SCEL: variants seen among roughly 807,000 people sequenced by gnomAD.
SCEL encodes sciellin.
Under a neutral mutation model 117.6 loss-of-function variants are expected in SCEL, and 113 were observed. That is an observed-to-expected ratio of 0.96 (90% CI 0.83 to 1.12). SCEL has a LOEUF of 1.12. Ranked by LOEUF, SCEL falls within the 50% of genes most tolerant of loss-of-function variation. The probability of loss-of-function intolerance (pLI) is 0.00; values close to 1 mark genes in which losing one functional copy is unlikely to be tolerated. For synonymous variants in SCEL, 270 were observed against 256.2 expected (o/e 1.05, Z -0.51); for missense variants, 785 against 810.8 (o/e 0.97, Z 0.39).
At chr13:77,585,884 G>T (rs1307637197) in intron 9 of SCEL, among the ~76,000 whole-genome samples, 1 of 152,106 alleles carries the variant, frequency 6.6e-6, no homozygotes, top group East Asian at 1.9e-4. Context: ...CTCTTCCAGA[G>T]GACCCTGCTT....
intron 1 of SCEL, among the ~76,000 whole-genome samples, chr13:77,548,185 T>C (rs1420820445): frequency 6.6e-6 from 1 of 152,240 alleles, no homozygotes; most frequent in Non-Finnish European, 1.5e-5. Flanking sequence ...TTAATTTCCA[T>C]AACAACCTTT....
At chr13:77,557,680 G>A (rs562428703) in intron 3 of SCEL, among the ~76,000 whole-genome samples, 2 of 152,290 alleles carry the variant, frequency 1.3e-5, no homozygotes, top group East Asian at 3.9e-4. Context: ...CATTTGGCAA[G>A]GTTGGGAGAC....
chr13:77,618,913 AC>A (rs2089251355), intron 27 of SCEL, among the ~76,000 whole-genome samples: 1 of 152,158 alleles, frequency 6.6e-6, no homozygotes, highest in Admixed American at 6.5e-5. Flanking sequence ...ACAAAATATT[AC>A]CAATTTTAAC....
chr13:77,557,945 TTGAG>T (rs1442347785), intron 3 of SCEL, among the ~76,000 whole-genome samples: 1 of 152,198 alleles, frequency 6.6e-6, no homozygotes, highest in African/African-American at 2.4e-5. Flanking sequence ...ATTTCTGTTA[TTGAG>T]TATTATTTCA....
intron 19 of SCEL, among the ~76,000 whole-genome samples, chr13:77,607,508 A>G (rs752251621): frequency 6.6e-5 from 10 of 152,248 alleles, no homozygotes; most frequent in Non-Finnish European, 1.5e-5. Flanking sequence ...ACACACAGTT[A>G]TAAGTACCAG....
intron 31 of SCEL, among the ~76,000 whole-genome samples, chr13:77,641,639 A>C (rs969746747): frequency 6.6e-6 from 1 of 152,150 alleles, no homozygotes; most frequent in African/African-American, 2.4e-5. Flanking sequence ...GGGCATTGGT[A>C]TTTTTAAAAA....
At chr13:77,641,238 G>C (rs542451841) in intron 31 of SCEL, among the ~76,000 whole-genome samples, 1 of 152,272 alleles carries the variant, frequency 6.6e-6, no homozygotes, top group East Asian at 1.9e-4. Context: ...AGCATAATTA[G>C]TGGTAATTAA....
intron 5 of SCEL, among the ~76,000 whole-genome samples, chr13:77,564,253 T>C (rs748083314): frequency 2.2e-4 from 33 of 151,022 alleles, no homozygotes; most frequent in African/African-American, 8.0e-4. Flanking sequence ...TCTTCCACAC[T>C]GATGGTGGAA....
At position 77,610,073 on chromosome 13, in the gene SCEL, A is replaced by T. The variant is rs1052868764; in HGVS notation, c.1304A>T (p.Lys435Ile). 3.7e-6 allele frequency: 6 copies of T among 1,610,862 alleles called. No homozygotes were observed. Among genetic ancestry groups the T allele is most frequent in the South Asian group, 1.1e-5 (1 of 90,604 alleles). Residue 435 changes from lysine (K) to isoleucine (I), a missense_variant, in exon 22 of 33, where the codon AAA becomes ATA. Coordinates refer to ENST00000349847, the MANE Select transcript of SCEL (RefSeq NM_144777.3). Reference sequence around the variant, plus strand: ...GGCCAAAGTCTCGACAGCCTCATTAAAGTGACTCCTGAAAGAAACAGAACT... The same window carrying T: ...GGCCAAAGTCTCGACAGCCTCATTATAGTGACTCCTGAAAGAAACAGAACT... Reference protein sequence around the residue: ...EGGQSLDSLIKVTPERNRTNQ... With the variant: ...EGGQSLDSLIIVTPERNRTNQ...
Position 77,599,717 on chromosome 13 carries a change from A to T in SCEL, c.886A>T (p.Met296Leu), listed in dbSNP as rs776920959. The stretch of plus-strand genomic sequence containing the variant: ...CAAAAGCCTTGAAAGTCTCATCTAT[A>T]TGAGTACCCGGACAGATAAAGATGG... ...RAKSLESLIY[M>L]STRTDKDGKG... The change falls in exon 15 of 33, where the codon ATG (methionine) becomes TTG (leucine). Residue 296 changes from methionine to leucine, a missense_variant. By Grantham distance (15) the Met-to-Leu change is conservative. Transcript: ENST00000349847. The T allele has an allele frequency of 1.4e-5, 23 of 1,612,394 alleles. No individual in the cohort carries two copies. The South Asian group carries it at 2.4e-4, about 17-fold the overall frequency.
chr13:77,618,357 AT>A (rs989537774), intron 27 of SCEL, among the ~76,000 whole-genome samples: 2 of 151,126 alleles, frequency 1.3e-5, no homozygotes, highest in African/African-American at 2.4e-5. Context: ...ATTTTTTAAA[AT>A]TTTTTTTAGA....
intron 24 of SCEL, among the ~76,000 whole-genome samples, chr13:77,614,281 A>G (rs978799178): frequency 6.6e-5 from 10 of 152,138 alleles, no homozygotes; most frequent in African/African-American, 2.4e-4. Context: ...TGTCTTTGAA[A>G]TTGATGATAA....
chr13:77,564,678 C>A (rs1293458696), intron 5 of SCEL, among the ~76,000 whole-genome samples: 1 of 152,178 alleles, frequency 6.6e-6, no homozygotes, highest in African/African-American at 2.4e-5. Flanking sequence ...TTACTCCCTG[C>A]AGCTAAAGAT....
chr13:77,551,452 C>T (rs936735180), intron 1 of SCEL, among the ~76,000 whole-genome samples: 5 of 152,126 alleles, frequency 3.3e-5, no homozygotes, highest in Admixed American at 3.3e-4. Flanking sequence ...AACAAAATAC[C>T]ACAGACGGGT....
chr13:77,576,004 T>C (rs1278954137), intron 9 of SCEL, among the ~76,000 whole-genome samples: 2 of 152,216 alleles, frequency 1.3e-5, no homozygotes, highest in East Asian at 3.9e-4. Flanking sequence ...GGTTTCCCCA[T>C]TTTCCATGTT....
intron 9 of SCEL, among the ~76,000 whole-genome samples, chr13:77,583,527 A>G (rs139939851): frequency 1.1e-4 from 17 of 152,328 alleles, no homozygotes; most frequent in Non-Finnish European, 2.1e-4. Context: ...TCCTAACATT[A>G]TGAATGGGGC....
intron 15 of SCEL, 39 bp downstream of exon 15, chr13:77,599,787 C>A (rs376444027): frequency 4.3e-6 from 6 of 1,399,698 alleles, no homozygotes; most frequent in Middle Eastern, 1.8e-4. Context: ...GATTGAGTCC[C>A]AGATGGTGTA....
chr13:77,555,572 T>C (rs920659072), intron 1 of SCEL, among the ~76,000 whole-genome samples: 1 of 152,242 alleles, frequency 6.6e-6, no homozygotes, highest in Non-Finnish European at 1.5e-5. Flanking sequence ...TGCGTAATTA[T>C]TGATTGAATA....
intron 16 of SCEL, 95 bp downstream of exon 16, chr13:77,602,219 G>A (rs2087759722): frequency 9.9e-7 from 1 of 1,005,304 alleles, no homozygotes; most frequent in Non-Finnish European, 1.5e-6. Context: ...CTTTGTGGCA[G>A]TGAACTCTTG....
Sources: allele counts gnomAD v4.1 joint callset (sites outside exome capture counted in the v4.1 genomes callset), GRCh38; gene constraint gnomAD v4.1.1; transcripts MANE v1.5; gene names NCBI Gene and HGNC (gene_info 2026-07-23, HGNC 2026-07-21).